Variants in TSPAN5 observed in about 807,000 individuals in gnomAD.
The protein encoded by TSPAN5 is tetraspanin 5, also known as tetraspanin-5.
Under a neutral mutation model 37.1 loss-of-function variants are expected in TSPAN5, and 10 were observed. That is an observed-to-expected ratio of 0.27 (90% CI 0.17 to 0.46). The LOEUF (loss-of-function observed/expected upper bound fraction) is 0.46, where lower values mean the gene tolerates loss of function less well. Ranked by LOEUF, TSPAN5 falls within the 20% of genes least tolerant of loss-of-function variation. TSPAN5 has a pLI of 1.00. For missense variants in TSPAN5, 195 were observed against 326.6 expected (o/e 0.60, Z 3.11); for synonymous variants, 110 against 118.9 (o/e 0.93, Z 0.48).
intron 1 of TSPAN5, among the ~76,000 whole-genome samples, 200 bp downstream of exon 1, chr4:98,657,946 T>C (rs1483406527): frequency 1.3e-5 from 2 of 152,208 alleles, no homozygotes; most frequent in Non-Finnish European, 2.9e-5. Flanking sequence ...ATTTCTCTTT[T>C]CACCTCTTCC....
At chr4:98,476,381 C>G in intron 6 of TSPAN5, 32 bp downstream of exon 6, 1 of 1,614,108 alleles carries the variant, frequency 6.2e-7, no homozygotes, top group South Asian at 1.1e-5. Flanking sequence ...CAACACCCTT[C>G]GTGCTAAGCA....
At chr4:98,651,619 CT>C (rs1434383949) in intron 1 of TSPAN5, among the ~76,000 whole-genome samples, 1 of 152,120 alleles carries the variant, frequency 6.6e-6, no homozygotes, top group Non-Finnish European at 1.5e-5. Context: ...TGCAATTTTC[CT>C]ATTGGTTTAA....
intron 1 of TSPAN5, among the ~76,000 whole-genome samples, chr4:98,516,703 C>T (rs1228532102): frequency 1.3e-5 from 2 of 152,172 alleles, no homozygotes; most frequent in African/African-American, 4.8e-5. Context: ...GCAGAGCTCT[C>T]ATGAATGGCT....
chr4:98,643,611 G>C (rs7667295), intron 1 of TSPAN5, among the ~76,000 whole-genome samples: 1 of 151,990 alleles, frequency 6.6e-6, no homozygotes, highest in South Asian at 2.1e-4. Flanking sequence ...GTAAAACACC[G>C]TTTTCAAATT....
intron 1 of TSPAN5, among the ~76,000 whole-genome samples, chr4:98,512,597 G>A (rs1327860494): frequency 6.6e-6 from 1 of 152,180 alleles, no homozygotes; most frequent in Non-Finnish European, 1.5e-5. Flanking sequence ...CCTCTGGAGG[G>A]ACACATCTGC....
intron 2 of TSPAN5, among the ~76,000 whole-genome samples, chr4:98,487,371 A>G (rs1048538077): frequency 1.3e-5 from 2 of 152,158 alleles, no homozygotes; most frequent in Non-Finnish European, 2.9e-5. Context: ...CAAACAAAAA[A>G]AGACAGATGT....
chr4:98,631,245 C>T (rs1049075228), intron 1 of TSPAN5, among the ~76,000 whole-genome samples: 92 of 152,122 alleles, frequency 6.0e-4, no homozygotes, highest in African/African-American at 2.1e-3. Context: ...CTGAGACCCA[C>T]GGCAAGCAAG....
At chr4:98,601,796 G>T (rs1294486836) in intron 1 of TSPAN5, among the ~76,000 whole-genome samples, 3 of 152,104 alleles carry the variant, frequency 2.0e-5, no homozygotes, top group Non-Finnish European at 4.4e-5. Context: ...GTCTATCTCA[G>T]TTCTCACCAT....
intron 2 of TSPAN5, among the ~76,000 whole-genome samples, chr4:98,494,373 A>C (rs1753152138): frequency 6.6e-6 from 1 of 151,782 alleles, no homozygotes; most frequent in South Asian, 2.1e-4. Context: ...ACAGACAGAC[A>C]CTAATACAGA....
chr4:98,530,730 TACACACAC>T (rs60087929), intron 1 of TSPAN5, among the ~76,000 whole-genome samples: 31,899 of 150,312 alleles, frequency 0.21, 3,460 homozygotes, highest in South Asian at 0.25. Context: ...ACACATATTA[TACACACAC>T]ACACACACAC....
At chr4:98,504,179 T>C (rs144407371) in intron 2 of TSPAN5, among the ~76,000 whole-genome samples, 3 of 152,274 alleles carry the variant, frequency 2.0e-5, no homozygotes, top group African/African-American at 7.2e-5. Context: ...CCAGTGGAAA[T>C]CTCATCCTTC....
chr4:98,497,377 T>C (rs1753237494), intron 2 of TSPAN5, among the ~76,000 whole-genome samples: 1 of 151,012 alleles, frequency 6.6e-6, no homozygotes, highest in Admixed American at 6.6e-5. Flanking sequence ...CACTCTGCCA[T>C]GCCAGCACAC....
At chr4:98,650,299 G>T (rs528743372) in intron 1 of TSPAN5, among the ~76,000 whole-genome samples, 9 of 152,084 alleles carry the variant, frequency 5.9e-5, no homozygotes, top group Non-Finnish European at 2.9e-5. Flanking sequence ...TTACAAAAAC[G>T]TAGGAAGAGG....
At position 98,642,383 on chromosome 4, in the gene TSPAN5, A is replaced by C. The variant is rs1265434555; in HGVS notation, c.81+15763T>G. Among the ~76,000 whole-genome samples, 3 of 152,346 alleles carry C rather than the reference A, an allele frequency of 2.0e-5. No homozygotes were observed. In the East Asian group the frequency reaches 5.8e-4, roughly 29 times the overall value. On this transcript the variant is annotated intron_variant, in intron 1 of 7. Transcript: ENST00000305798. The stretch of plus-strand genomic sequence containing the variant: ...TCTCTAGCTAAGACTTAGTAACTTC[A>C]TAGTTCAAAGAGTTTCTTTTCTAGC...
At chr4:98,572,500 C>T (rs1165023397) in intron 1 of TSPAN5, among the ~76,000 whole-genome samples, 7 of 152,202 alleles carry the variant, frequency 4.6e-5, no homozygotes, top group Non-Finnish European at 8.8e-5. Flanking sequence ...ATGAAGCTTA[C>T]GTTTGGGAAA....
chr4:98,609,456 A>G (rs190532555), intron 1 of TSPAN5, among the ~76,000 whole-genome samples: 177 of 152,258 alleles, frequency 1.2e-3, no homozygotes, highest in African/African-American at 4.1e-3. Flanking sequence ...CTGGGTAGAC[A>G]TGATCACCCA....
intron 2 of TSPAN5, among the ~76,000 whole-genome samples, chr4:98,501,886 G>C (rs1186557603): frequency 2.0e-5 from 3 of 152,202 alleles, no homozygotes; most frequent in African/African-American, 7.2e-5. Context: ...CAGCCCTAGG[G>C]TGAGGGTCAG....
At chr4:98,603,020 TCTAGAC>T (rs1755919781) in intron 1 of TSPAN5, among the ~76,000 whole-genome samples, 1 of 152,236 alleles carries the variant, frequency 6.6e-6, no homozygotes. Flanking sequence ...GTATTTACAG[TCTAGAC>T]CTACCTAGCC....
intron 2 of TSPAN5, among the ~76,000 whole-genome samples, chr4:98,498,767 G>C (rs997249297): frequency 1.3e-5 from 2 of 152,298 alleles, no homozygotes; most frequent in Middle Eastern, 3.4e-3. Flanking sequence ...ACAGCCATTA[G>C]GGCCCGACTC....
Sources: gnomAD v4.1 joint callset for allele counts (sites outside exome capture counted in the v4.1 genomes callset) on GRCh38, gnomAD v4.1.1 for gene constraint, MANE v1.5 for transcripts, NCBI Gene and HGNC (gene_info 2026-07-23, HGNC 2026-07-21) for gene names.